The following CNOT1 variants were observed in gnomAD, a reference collection of about 807,000 sequenced individuals.
The protein encoded by CNOT1 is CCR4-NOT transcription complex subunit 1, also known as CCR4-associated factor 1.
CNOT1 carries 15 observed loss-of-function variants against 273.8 expected under a neutral mutation model. The observed-to-expected ratio is 0.05, with a 90% CI of 0.04 to 0.08. The LOEUF (loss-of-function observed/expected upper bound fraction) is 0.08. Among genes scored for constraint, CNOT1 ranks in the 10% least tolerant of loss-of-function variants. The pLI is 1.00. For missense variants in CNOT1, 1,644 were observed against 2,912.2 expected (o/e 0.56, Z 10.02); for synonymous variants, 1,022 against 1,005.5 (o/e 1.02, Z -0.31).
intron 2 of CNOT1, among the ~76,000 whole-genome samples, chr16:58,589,976 T>A (rs1243279188): frequency 2.0e-5 from 3 of 152,246 alleles, no homozygotes; most frequent in Non-Finnish European, 4.4e-5. Flanking sequence ...TGCCCCAGCA[T>A]CACTCCTTAT....
At chr16:58,619,045 T>A (rs961302532) in intron 1 of CNOT1, among the ~76,000 whole-genome samples, 2 of 152,072 alleles carry the variant, frequency 1.3e-5, no homozygotes, top group African/African-American at 4.8e-5. Flanking sequence ...AAACTTTTTT[T>A]AATTAGCTGG....
intron 24 of CNOT1, 99 bp downstream of exon 24, chr16:58,551,033 C>T: frequency 3.9e-6 from 6 of 1,542,224 alleles, no homozygotes; most frequent in Non-Finnish European, 5.2e-6. Flanking sequence ...GAGTTTATTA[C>T]CTCTACCTTT....
At position 58,537,970 on chromosome 16, in the gene CNOT1, C is replaced by T; in HGVS notation, c.5335G>A (p.Val1779Ile). ...GTGTGGAACAGATCTGCCTCAGTAACATGAGCAACACTCCTTTCATCCACC... is the reference window on the plus strand; with the variant it reads ...GTGTGGAACAGATCTGCCTCAGTAATATGAGCAACACTCCTTTCATCCACC... ...LLVDERSVAHVTEADLFHTIE... is the reference protein window; with the variant it reads ...LLVDERSVAHITEADLFHTIE... Residue 1779 changes from valine (V) to isoleucine (I), a missense_variant, in exon 38 of 49, where the codon GTT (valine) becomes ATT (isoleucine). Physicochemically the swap from Val to Ile is conservative, Grantham distance 29 (BLOSUM62 3). Transcript: ENST00000317147. 6.2e-7 allele frequency: 1 copy of T among 1,614,184 alleles called. No homozygotes were observed. Among genetic ancestry groups the T allele is most frequent in the African/African-American group, 1.3e-5 (1 of 75,048 alleles).
intron 45 of CNOT1, among the ~76,000 whole-genome samples, 180 bp downstream of exon 45, chr16:58,525,809 T>C (rs1213412203): frequency 2.0e-5 from 3 of 152,252 alleles, no homozygotes; most frequent in Admixed American, 2.0e-4. Flanking sequence ...TGTCCAAAGC[T>C]GTAGCAAAAT....
rs770385725 is a variant in CNOT1, at chr16:58,523,260, AAACC to A, written c.6917+106_6917+109del. The A allele has an allele frequency of 1.8e-4, 231 of 1,273,450 alleles. No individual in the cohort carries two copies. The South Asian group carries it at 2.5e-3, about 14-fold the overall frequency. The allele number at this position is 1,273,450 out of a possible 1,614,324, so 78.9% of individuals were successfully genotyped here. On this transcript the variant is annotated intron_variant, in intron 47 of 48. Coordinates refer to ENST00000317147, the MANE Select transcript of CNOT1 (RefSeq NM_016284.5). ...ACTCCGTCTCAAAAAAACAAAAAAA[AAACC>A]AACCAAACGGATTTTCACTGAACAC...
Position 58,534,372 on chromosome 16 carries a change from C to G in CNOT1, c.5670G>C (p.Lys1890Asn). 1 of 1,613,884 alleles carries G rather than the reference C, an allele frequency of 6.2e-7. No individual in the cohort carries two copies. Among genetic ancestry groups the G allele is most frequent in the Non-Finnish European group, 8.5e-7 (1 of 1,179,922 alleles). Residue 1890 changes from lysine (K) to asparagine (N), a missense_variant, in exon 40 of 49, where the codon AAG becomes AAC. Coordinates refer to ENST00000317147, the MANE Select transcript of CNOT1 (RefSeq NM_016284.5). ...VGQMHQQGIL[K>N]TDDLITRFFR... ...AGAACCTTGTTATGAGATCATCGGT[C>G]TTCAGTATTCCTTGCTGGTGCATCT...
intron 10 of CNOT1, among the ~76,000 whole-genome samples, chr16:58,582,418 T>G (rs1257342080): frequency 6.6e-6 from 1 of 152,220 alleles, no homozygotes; most frequent in Non-Finnish European, 1.5e-5. Flanking sequence ...AAGTCCAATA[T>G]GGGCAACACA....
chr16:58,575,292 T>C (rs1429537198), intron 14 of CNOT1, among the ~76,000 whole-genome samples, 163 bp from the exon 15 acceptor site: 1 of 152,198 alleles, frequency 6.6e-6, no homozygotes, highest in Non-Finnish European at 1.5e-5. Flanking sequence ...GGGGTAACAT[T>C]AGTCATTATT....
intron 1 of CNOT1, among the ~76,000 whole-genome samples, chr16:58,601,277 T>C (rs147245360): frequency 5.3e-3 from 806 of 152,272 alleles, no homozygotes; most frequent in Middle Eastern, 0.044. Flanking sequence ...TTTGTATTTT[T>C]AGTAGAGACA....
At chr16:58,530,477 C>T (rs2039743445) in intron 42 of CNOT1, 130 bp from the exon 43 acceptor site, 1 of 582,016 alleles carries the variant, frequency 1.7e-6, no homozygotes, top group Non-Finnish European at 2.8e-6. Flanking sequence ...ATGTTAAGTA[C>T]TTTTACAAAA....
intron 8 of CNOT1, among the ~76,000 whole-genome samples, chr16:58,584,338 C>T (rs1039443954): frequency 4.6e-5 from 7 of 151,518 alleles, no homozygotes; most frequent in African/African-American, 1.7e-4. Context: ...TTTTGTTAGT[C>T]TCGCTTTTTT....
chr16:58,523,237 T>C, intron 47 of CNOT1, 133 bp downstream of exon 47: 1 of 903,460 alleles, frequency 1.1e-6, no homozygotes, highest in South Asian at 2.2e-5. Context: ...AGAGCAACAC[T>C]CCGTCTCAAA....
intron 16 of CNOT1, among the ~76,000 whole-genome samples, chr16:58,562,453 A>T (rs145345481): frequency 6.8e-6 from 1 of 147,480 alleles, no homozygotes; most frequent in South Asian, 2.2e-4. Flanking sequence ...GTAGTGAGCT[A>T]TGATCACATC....
intron 1 of CNOT1, among the ~76,000 whole-genome samples, chr16:58,610,533 G>A (rs1257993256): frequency 1.3e-5 from 2 of 151,894 alleles, no homozygotes; most frequent in Non-Finnish European, 2.9e-5. Flanking sequence ...GTGAAATTCC[G>A]TCTCTACTAA....
chr16:58,591,877 T>G (rs918401450), intron 2 of CNOT1, among the ~76,000 whole-genome samples: 1 of 151,194 alleles, frequency 6.6e-6, no homozygotes, highest in Non-Finnish European at 1.5e-5. Flanking sequence ...TACCATTCCA[T>G]ATGATTTTTT....
chr16:58,609,841 T>A (rs1233182786), intron 1 of CNOT1, among the ~76,000 whole-genome samples: 2 of 149,790 alleles, frequency 1.3e-5, no homozygotes, highest in Admixed American at 1.4e-4. Flanking sequence ...TCACTTAGGG[T>A]GATATATATA....
At chr16:58,571,914 A>T (rs1392637066) in intron 16 of CNOT1, among the ~76,000 whole-genome samples, 3 of 151,916 alleles carry the variant, frequency 2.0e-5, no homozygotes, top group Non-Finnish European at 2.9e-5. Flanking sequence ...GGTTGCTGTG[A>T]ACCAAGATCA....
In CNOT1 at chr16:58,549,740, A is replaced by G; in HGVS notation, c.3501T>C (p.Asn1167=). The change falls in exon 25 of 49, where the codon AAT becomes AAC. Residue 1167 remains asparagine, a synonymous_variant. Transcript: ENST00000317147. ...KNPEFNKMVL[N]ETYRNIKVLL... is the part of the protein sequence containing the mutation. Reference sequence around the variant, plus strand: ...TTACTTTAATGTTTCTGTAGGTCTCATTCAGAACCATCTTGTTAAATTCAG... The same window carrying G: ...TTACTTTAATGTTTCTGTAGGTCTCGTTCAGAACCATCTTGTTAAATTCAG... The G allele has an allele frequency of 6.2e-7, 1 of 1,611,426 alleles. No homozygotes were observed. The highest frequency in any genetic ancestry group is 8.5e-7 in the Non-Finnish European group (1 of 1,179,468).
chr16:58,620,894 T>G (rs766831371), intron 1 of CNOT1, among the ~76,000 whole-genome samples: 3 of 151,980 alleles, frequency 2.0e-5, no homozygotes, highest in Non-Finnish European at 4.4e-5. Flanking sequence ...TCTTTTACAA[T>G]CACAATATCC....
Sources: allele counts gnomAD v4.1 joint callset (sites outside exome capture counted in the v4.1 genomes callset), GRCh38; gene constraint gnomAD v4.1.1; transcripts MANE v1.5; gene names NCBI Gene and HGNC (gene_info 2026-07-23, HGNC 2026-07-21).